C6orf163: variants seen among roughly 807,000 people sequenced by gnomAD.
C6orf163 encodes uncharacterized protein C6orf163.
C6orf163 carries 22 observed loss-of-function variants against 28.4 expected under a neutral mutation model. That is an observed-to-expected ratio of 0.78 (90% confidence interval 0.55 to 1.11). C6orf163 has a LOEUF of 1.11. Among genes scored for constraint, C6orf163 ranks in the 50% least tolerant of loss-of-function variants. The probability of loss-of-function intolerance (pLI) is 0.00; values close to 1 mark genes in which losing one functional copy is unlikely to be tolerated. For synonymous variants in C6orf163, 110 were observed against 123.6 expected (o/e 0.89, Z 0.73); for missense variants, 342 against 389.1 (o/e 0.88, Z 1.02).
At chr6:87,349,478 T>C (rs1019571163) in intron 2 of C6orf163, among the ~76,000 whole-genome samples, 2 of 152,164 alleles carry the variant, frequency 1.3e-5, no homozygotes, top group Non-Finnish European at 2.9e-5. Context: ...ATATTGGGGC[T>C]CACAGTGGGA....
At chr6:87,362,097 G>A (rs989502382) in intron 4 of C6orf163, among the ~76,000 whole-genome samples, 3 of 152,164 alleles carry the variant, frequency 2.0e-5, no homozygotes, top group African/African-American at 7.2e-5. Context: ...ACTCCCCAGC[G>A]TGCTCAGTTG....
rs776135848 is a variant in C6orf163 at position 87,365,181 on chromosome 6, G to C, written c.775G>C (p.Gly259Arg). 1.9e-6 allele frequency: 3 copies of C among 1,551,780 alleles called. No homozygotes were observed. The highest frequency in any genetic ancestry group is 1.4e-5 in the African/African-American group (1 of 73,144). Residue 259 changes from glycine to arginine, a missense_variant, in exon 5 of 5, where the codon GGG becomes CGG. Transcript: ENST00000388923. ...GATGGATAAACTGGCTAACACCCAG[G>C]GGGAGCTGCTGTCTATAGCAAAACA... Reference protein sequence around the residue: ...NMMDKLANTQGELLSIAKQLG... With the variant: ...NMMDKLANTQRELLSIAKQLG...
Position 87,353,618 on chromosome 6 carries a change from G to A in C6orf163, c.352-2683G>A, listed in dbSNP as rs567348879. Among the ~76,000 whole-genome samples the A allele has an allele frequency of 3.3e-5, 5 of 152,064 alleles. No homozygotes were observed. In the South Asian group the frequency reaches 1.0e-3, roughly 31 times the overall value. On this transcript the variant is annotated intron_variant, in intron 3 of 4. Transcript: ENST00000388923. ...TTGATTCATATAGGAATATATTATG[G>A]TAGTACTTCACCTGTCTTAAACTCA...
intron 4 of C6orf163, chr6:87,356,843 A>G (rs977260611): frequency 9.5e-6 from 2 of 211,006 alleles, no homozygotes; most frequent in African/African-American, 2.3e-5. Flanking sequence ...TTCATTCTGT[A>G]TCACCAGTTT....
In C6orf163 at chr6:87,365,045, A is replaced by T. The variant is rs888378509; in HGVS notation, c.639A>T (p.Lys213Asn). 22 of 1,551,678 alleles carry T rather than the reference A, an allele frequency of 1.4e-5. No homozygotes were observed. The highest frequency in any genetic ancestry group is 8.3e-5 in the South Asian group (7 of 84,070). The change falls in exon 5 of 5, where the codon AAA becomes AAT. Residue 213 changes from lysine (K) to asparagine (N), a missense_variant. Coordinates refer to ENST00000388923, the MANE Select transcript of C6orf163 (RefSeq NM_001010868.3). Reference sequence around the variant, plus strand: ...GTGTGGCCCGACTGATGAGGGAAAAAGAACATGAAATGAGCATCCTCTATG... The same window carrying T: ...GTGTGGCCCGACTGATGAGGGAAAATGAACATGAAATGAGCATCCTCTATG... ...KTSVARLMRE[K>N]EHEMSILYGI...
At chr6:87,355,735 CA>C (rs892763866) in intron 3 of C6orf163, among the ~76,000 whole-genome samples, 1 of 152,162 alleles carries the variant, frequency 6.6e-6, no homozygotes, top group African/African-American at 2.4e-5. Flanking sequence ...CTAAGATCCC[CA>C]CCTTCTTGTA....
At position 87,348,609 on chromosome 6, in the gene C6orf163, A is replaced by G. The variant is rs1777364467; in HGVS notation, c.149-203A>G. The G allele has an allele frequency of 3.0e-6, 4 of 1,351,478 alleles. No homozygotes were observed. The East Asian group carries it at 8.8e-5, about 30-fold the overall frequency. The allele number at this position is 1,351,478 out of a possible 1,614,324, so 83.7% of individuals were successfully genotyped here. ...TGTGATGAGGGGAATGACCAACTCT[A>G]TCCAGGCCTGACAGTGCTGTGAATT... On this transcript the variant is annotated intron_variant, in intron 1 of 4. Transcript: ENST00000388923.
chr6:87,358,191 G>C (rs745449187), intron 4 of C6orf163: 2 of 151,958 alleles, frequency 1.3e-5, no homozygotes, highest in Non-Finnish European at 1.5e-5. Context: ...CAAGACTTAA[G>C]GATTCAGAAC....
At chr6:87,348,149 CCT>C (rs1238253101) in intron 1 of C6orf163, 5 of 963,514 alleles carry the variant, frequency 5.2e-6, no homozygotes, top group Non-Finnish European at 6.2e-6. Flanking sequence ...AGCAAGACTC[CCT>C]CTCAAAAAAA....
intron 4 of C6orf163, among the ~76,000 whole-genome samples, chr6:87,363,814 C>T (rs938666936): frequency 1.3e-5 from 2 of 152,110 alleles, no homozygotes; most frequent in African/African-American, 4.8e-5. Context: ...CATACGTGTG[C>T]ATGTGTCTTT....
rs1454962118 is a variant in C6orf163 at position 87,348,805 on chromosome 6, T to C, written c.149-7T>C. The C allele has an allele frequency of 2.0e-6, 3 of 1,537,036 alleles. No homozygotes were observed. Among genetic ancestry groups the C allele is most frequent in the Non-Finnish European group, 2.6e-6 (3 of 1,146,780 alleles). On this transcript the variant is annotated splice_region_variant and splice_polypyrimidine_tract_variant and intron_variant, in intron 1 of 4. Coordinates refer to ENST00000388923, the MANE Select transcript of C6orf163 (RefSeq NM_001010868.3). ...AGGTTTGTGACCATTGCTCTTCAAA[T>C]ACACAGATATTGGGGCAAATATTCT...
chr6:87,348,948 T>G (rs1409677378), intron 2 of C6orf163, 42 bp downstream of exon 2: 1 of 1,532,466 alleles, frequency 6.5e-7, no homozygotes, highest in East Asian at 2.4e-5. Flanking sequence ...ATCTTTACCG[T>G]TCTTTCACAT....
At chr6:87,347,212 C>A in intron 1 of C6orf163, 1 of 162,574 alleles carries the variant, frequency 6.2e-6, no homozygotes, top group Non-Finnish European at 1.3e-5. Flanking sequence ...TCTAAAGAAT[C>A]ATAGATTATG....
At chr6:87,345,916 C>CAAAAAAAAAAAAAAAAAAAAAAAAAAA (rs3044136) in intron 1 of C6orf163, among the ~76,000 whole-genome samples, 1 of 44,650 alleles carries the variant, frequency 2.2e-5, no homozygotes, top group African/African-American at 8.2e-5. Flanking sequence ...GACTCTGCCT[C>CAAAAAAAAAAAAAAAAAAAAAAAAAAA]AAAAAAAAAA....
At chr6:87,349,450 A>G (rs1041942554) in intron 2 of C6orf163, among the ~76,000 whole-genome samples, 2 of 152,060 alleles carry the variant, frequency 1.3e-5, no homozygotes, top group Non-Finnish European at 2.9e-5. Flanking sequence ...ACTGCTGAGC[A>G]CTATAAGGGC....
Position 87,345,092 on chromosome 6 carries a change from AT to A in C6orf163, c.-5del. The A allele has an allele frequency of 6.6e-7, 1 of 1,519,644 alleles. No individual in the cohort carries two copies. The highest frequency in any genetic ancestry group is 1.4e-5 in the African/African-American group (1 of 71,942). 94.1% of individuals were successfully genotyped at this position (1,519,644 alleles called of 1,614,324 possible). A position where few individuals can be genotyped will look rare whatever the true frequency, so the allele number is the denominator to read the frequency against. On this transcript the variant is annotated 5_prime_UTR_variant, in exon 1 of 5. Transcript: ENST00000388923. ...CTGTAAGTAGGAGAAGACATCTGAA[AT>A]TTAACTATGATCAGAAATTCAGATT...
At chr6:87,351,892 G>A (rs930060559) in intron 3 of C6orf163, among the ~76,000 whole-genome samples, 5 of 152,208 alleles carry the variant, frequency 3.3e-5, no homozygotes, top group Admixed American at 3.3e-4. Flanking sequence ...GGGCCCTACT[G>A]TGCTGGTTGA....
At chr6:87,360,398 ATTTTTT>A (rs10625675) in intron 4 of C6orf163, among the ~76,000 whole-genome samples, 1 of 138,136 alleles carries the variant, frequency 7.2e-6, no homozygotes, top group South Asian at 2.3e-4. Flanking sequence ...TTAAGCATGA[ATTTTTT>A]TTTTTTTTTT....
Position 87,365,282 on chromosome 6 carries a change from C to T in C6orf163, c.876C>T (p.Tyr292=), listed in dbSNP as rs763359556. 2 of 1,551,590 alleles carry T rather than the reference C, an allele frequency of 1.3e-6. No homozygotes were observed. The highest frequency in any genetic ancestry group is 1.7e-6 in the Non-Finnish European group (2 of 1,146,906). The change falls in exon 5 of 5, where the codon TAC becomes TAT. Residue 292 remains tyrosine (Y), a synonymous_variant. Transcript: ENST00000388923. The part of the protein sequence containing the change: ...LQETRMAFQK[Y]INYTFPKLSP... ...AAACCAGGATGGCATTTCAAAAATA[C>T]ATCAATTATACCTTTCCTAAGCTTT...
Sources: allele counts gnomAD v4.1 joint callset (sites outside exome capture counted in the v4.1 genomes callset), GRCh38; gene constraint gnomAD v4.1.1; transcripts MANE v1.5; gene names NCBI Gene and HGNC (gene_info 2026-07-23, HGNC 2026-07-21).